The following RORC variants were observed in gnomAD, a reference collection of about 807,000 sequenced individuals.
RORC encodes the protein RAR related orphan receptor C, also known as nuclear receptor ROR-gamma.
RORC carries 13 observed loss-of-function variants against 64.5 expected under a neutral mutation model. The observed-to-expected ratio is 0.20, with a 90% CI of 0.13 to 0.32. The LOEUF is 0.32. RORC is among the 10% of genes least tolerant of loss of function. RORC has a pLI of 1.00. For synonymous variants in RORC, 277 were observed against 259.3 expected (o/e 1.07, Z -0.65); for missense variants, 468 against 669.5 (o/e 0.70, Z 3.32).
At chr1:151,810,273 T>G (rs1179943834) in intron 10 of RORC, among the ~76,000 whole-genome samples, 1 of 152,148 alleles carries the variant, frequency 6.6e-6, no homozygotes, top group Non-Finnish European at 1.5e-5. Flanking sequence ...CTGGAATGCC[T>G]GCCCCACCCC....
At chr1:151,814,879 C>A in intron 5 of RORC, 34 bp downstream of exon 5, 1 of 1,594,120 alleles carries the variant, frequency 6.3e-7, no homozygotes. Flanking sequence ...CCTCCCTCAT[C>A]TCTACCACCC....
intron 2 of RORC, among the ~76,000 whole-genome samples, chr1:151,822,025 A>G (rs1652010963): frequency 6.6e-6 from 1 of 152,060 alleles, no homozygotes; most frequent in Admixed American, 6.5e-5. Context: ...CCTTTAGGGT[A>G]TAGACTAGGT....
chr1:151,831,627 TC>T (rs1652421357), intron 1 of RORC, 97 bp downstream of exon 1: 4 of 1,603,410 alleles, frequency 2.5e-6, no homozygotes, highest in African/African-American at 2.7e-5. Context: ...TGTCCCTCCC[TC>T]CCCTCCTCAC....
At position 151,831,728 on chromosome 1, in the gene RORC, G is replaced by T. The variant is rs745629463; in HGVS notation, c.37C>A (p.Arg13=). The change falls in exon 1 of 11, where the codon CGG becomes AGG. Residue 13 remains arginine (R), a synonymous_variant. Coordinates refer to ENST00000318247, the MANE Select transcript of RORC (RefSeq NM_005060.4). ...GGCAGGGCCATGGGCCTCTTACCCC[G>T]TGAGGCTCGGTGCTGTCTCTGTGGG... is the stretch of plus-strand genomic sequence containing the variant. The part of the protein sequence containing the change: ...RAPQRQHRAS[R]ELLAAKKTHT... 1 of 1,610,702 alleles carries T rather than the reference G, an allele frequency of 6.2e-7. No homozygotes were observed.
chr1:151,816,528 G>T, intron 4 of RORC, 136 bp downstream of exon 4: 1 of 903,700 alleles, frequency 1.1e-6, no homozygotes, highest in Non-Finnish European at 1.6e-6. Flanking sequence ...GGAGACAAGG[G>T]GTTGTAACGG....
chr1:151,818,339 C>A (rs1287235848), intron 2 of RORC, among the ~76,000 whole-genome samples: 2 of 152,158 alleles, frequency 1.3e-5, no homozygotes, highest in Non-Finnish European at 2.9e-5. Context: ...TCCACACGTG[C>A]ATATTTGTAT....
At chr1:151,816,525 A>G in intron 4 of RORC, 139 bp downstream of exon 4, 1 of 881,432 alleles carries the variant, frequency 1.1e-6, no homozygotes, top group Non-Finnish European at 1.6e-6. Flanking sequence ...GGAGGAGACA[A>G]GGGGTTGTAA....
At chr1:151,823,874 G>A (rs1343143627) in intron 2 of RORC, among the ~76,000 whole-genome samples, 1 of 152,100 alleles carries the variant, frequency 6.6e-6, no homozygotes, top group East Asian at 1.9e-4. Context: ...CAAACTCCTG[G>A]CCTCAAGCCT....
chr1:151,810,617 TG>T (rs1206262346), intron 10 of RORC, among the ~76,000 whole-genome samples: 1 of 151,402 alleles, frequency 6.6e-6, no homozygotes, highest in Non-Finnish European at 1.5e-5. Context: ...CTGCAACATC[TG>T]CCTCCCGGTT....
chr1:151,826,102 G>A, intron 2 of RORC: 1 of 1,418,698 alleles, frequency 7.0e-7, no homozygotes. Context: ...GGACTGGGGG[G>A]TTTAAGCTCT....
chr1:151,809,056 G>A (rs561108601), intron 10 of RORC, among the ~76,000 whole-genome samples: 22 of 152,308 alleles, frequency 1.4e-4, no homozygotes, highest in Admixed American at 5.9e-4. Context: ...CCATGACGCA[G>A]ACTCTAGATT....
chr1:151,816,696 T>G lies in RORC; in HGVS notation c.266A>C (p.Gln89Pro). The G allele has an allele frequency of 6.2e-7, 1 of 1,606,538 alleles. No individual in the cohort carries two copies. The highest frequency in any genetic ancestry group is 8.5e-7 in the Non-Finnish European group (1 of 1,176,738). The change falls in exon 4 of 11, where the codon CAG becomes CCG. Residue 89 changes from glutamine (Q) to proline (P), a missense_variant. Gln to Pro is a moderately conservative substitution (Grantham distance 76, BLOSUM62 -1). Around this residue, in one of 5 missense-constraint regions of RORC, gnomAD observed 241 missense variants for 295.5 expected, o/e 0.82. Transcript: ENST00000318247. ...GGACATGCCCAGCGCCAGGCATTTC[T>G]GCAGGCGGCAGTGCTGGCATCGGTT... The part of the protein sequence containing the change: ...SRNRCQHCRL[Q>P]KCLALGMSRD...
At chr1:151,811,671 A>G (rs1651537723) in intron 9 of RORC, 2 of 356,052 alleles carry the variant, frequency 5.6e-6, no homozygotes, top group African/African-American at 2.0e-5. Context: ...CCTGACTCCA[A>G]GCTACCTTCT....
chr1:151,830,675 CCGGG>C lies in RORC; in HGVS notation c.40+1046_40+1049del, dbSNP rs201988660. ...ACACACACACACAGTGCCCTTCTGCCCGGGAGATGCTCCCCACTGGCAGGCCGTG... is the reference window on the plus strand; with the variant it reads ...ACACACACACACAGTGCCCTTCTGCCAGATGCTCCCCACTGGCAGGCCGTG... On this transcript the variant is annotated intron_variant, in intron 1 of 10. Coordinates refer to ENST00000318247, the MANE Select transcript of RORC (RefSeq NM_005060.4). The surrounding 1 kb of genome is among the most constrained non-coding windows in gnomAD (Gnocchi z 4.0). Among the ~76,000 whole-genome samples the C allele has an allele frequency of 0.026, 3,206 of 123,292 alleles. 122 individuals carry two copies. The highest frequency in any genetic ancestry group is 0.08 in the African/African-American group (3,053 of 38,190). 80.9% of individuals were successfully genotyped at this position (123,292 alleles called of 152,430 possible).
chr1:151,831,452 T>G (rs1237474523), intron 1 of RORC, among the ~76,000 whole-genome samples: 2 of 152,024 alleles, frequency 1.3e-5, no homozygotes, highest in African/African-American at 4.8e-5. Context: ...GGCTCTTCCC[T>G]CCCCATCTAC....
chr1:151,823,743 C>T (rs1407985695), intron 2 of RORC, among the ~76,000 whole-genome samples: 1 of 152,150 alleles, frequency 6.6e-6, no homozygotes, highest in Non-Finnish European at 1.5e-5. Flanking sequence ...TGGGCTCAAA[C>T]GATCCTCCTG....
intron 4 of RORC, 78 bp downstream of exon 4, chr1:151,816,586 C>G: frequency 5.6e-6 from 8 of 1,437,914 alleles, no homozygotes; most frequent in South Asian, 1.4e-5. Context: ...GCAGGTTAAG[C>G]CTTGTCTAGC....
chr1:151,808,993 A>G (rs1329977326), intron 10 of RORC, among the ~76,000 whole-genome samples: 1 of 152,212 alleles, frequency 6.6e-6, no homozygotes, highest in African/African-American at 2.4e-5. Flanking sequence ...TTGAAGGGGC[A>G]GTGGAAGATC....
intron 2 of RORC, among the ~76,000 whole-genome samples, chr1:151,823,411 CTT>C: frequency 6.6e-6 from 1 of 152,320 alleles, no homozygotes; most frequent in East Asian, 1.9e-4. Context: ...CTGGGAGTCT[CTT>C]TGGCGTACAG....
Sources: gnomAD v4.1 joint callset for allele counts (sites outside exome capture counted in the v4.1 genomes callset) on GRCh38, gnomAD v4.1.1 for gene constraint, gnomAD v4.1.1 regional missense constraint, Gnocchi (gnomAD v3.1) non-coding constraint, MANE v1.5 for transcripts, NCBI Gene and HGNC (gene_info 2026-07-23, HGNC 2026-07-21) for gene names.